AAGAB: variants seen among roughly 807,000 people sequenced by gnomAD.
AAGAB encodes the protein alpha and gamma adaptin binding protein.
AAGAB carries 38 observed loss-of-function variants against 44.1 expected under a neutral mutation model. The observed-to-expected ratio is 0.86, with a 90% CI of 0.67 to 1.13. The LOEUF (loss-of-function observed/expected upper bound fraction) is 1.13, where lower values mean the gene tolerates loss of function less well. Among genes scored for constraint, AAGAB ranks in the 50% most tolerant of loss-of-function variants. AAGAB has a pLI of 0.00. For missense variants in AAGAB, 450 were observed against 373.8 expected (o/e 1.20, Z -1.68); for synonymous variants, 131 against 131.8 (o/e 0.99, Z 0.04).
rs1033581271 is a variant in AAGAB at position 67,202,264 on chromosome 15, T to C, written c.*557A>G. The C allele has an allele frequency of 6.5e-6, 1 of 152,958 alleles. No individual in the cohort carries two copies. The allele number at this position is 152,958 out of a possible 1,614,324, so 9.5% of individuals were successfully genotyped here. A position where few individuals can be genotyped will look rare whatever the true frequency, so the allele number is the denominator to read the frequency against. Reference sequence around the variant, plus strand: ...GCTCAGACACTATACTTCAAAAGAATGCCCAGAGGCATTTTCTTAGGTAGA... The same window carrying C: ...GCTCAGACACTATACTTCAAAAGAACGCCCAGAGGCATTTTCTTAGGTAGA... On this transcript the variant is annotated 3_prime_UTR_variant, in exon 10 of 10. Transcript: ENST00000261880.
chr15:67,253,782 G>T (rs999157832), intron 1 of AAGAB, among the ~76,000 whole-genome samples: 1 of 151,646 alleles, frequency 6.6e-6, no homozygotes, highest in African/African-American at 2.4e-5. Flanking sequence ...AAAGAAGGAA[G>T]GAATGTAGGT....
chr15:67,201,289 G>GA lies in AAGAB; in HGVS notation c.*1531dup, dbSNP rs71287016. The GA allele has an allele frequency of 0.29, 30,518 of 105,146 alleles. 3,721 individuals carry two copies. The highest frequency in any genetic ancestry group is 0.5 in the East Asian group (2,153 of 4,318). The allele number at this position is 105,146 out of a possible 1,614,324, so 6.5% of individuals were successfully genotyped here. ...CTCAAAGTCTTTCAGAACAGTAAAAGAAAAAAAAAAAAAAAGGAACAAAAG... is the reference window on the plus strand; with the variant it reads ...CTCAAAGTCTTTCAGAACAGTAAAAGAAAAAAAAAAAAAAAAGGAACAAAAG... On this transcript the variant is annotated 3_prime_UTR_variant, in exon 10 of 10. Transcript: ENST00000261880.
rs879768611 is a variant in AAGAB at position 67,254,582 on chromosome 15, A to G, written c.50T>C (p.Phe17Ser). 7 of 1,609,982 alleles carry G rather than the reference A, an allele frequency of 4.3e-6. No individual in the cohort carries two copies. In the Admixed American group the frequency reaches 1.0e-4, roughly 23 times the overall value. ...ACGTTGGACCAGCTGGTCTCCTGAG[A>G]AGACGGAGGAGCAGCTGGTGACTAA... Reference protein sequence around the residue: ...CALVTSCSSVFSGDQLVQHIL... With the variant: ...CALVTSCSSVSSGDQLVQHIL... Residue 17 changes from phenylalanine to serine, a missense_variant, in exon 1 of 10, where the codon TTC (phenylalanine) becomes TCC (serine). Transcript: ENST00000261880.
At chr15:67,249,330 T>C (rs192508812) in intron 1 of AAGAB, among the ~76,000 whole-genome samples, 269 of 152,254 alleles carry the variant, frequency 1.8e-3, no homozygotes, top group African/African-American at 6.1e-3. Context: ...CCACCATGCC[T>C]GGCCAATAAC....
At chr15:67,247,247 A>G (rs1964749362) in intron 1 of AAGAB, among the ~76,000 whole-genome samples, 2 of 152,224 alleles carry the variant, frequency 1.3e-5, no homozygotes, top group East Asian at 1.9e-4. Flanking sequence ...CTTGAAGTCA[A>G]TGAGACCAAG....
At chr15:67,244,026 C>T (rs1411077940) in intron 1 of AAGAB, among the ~76,000 whole-genome samples, 1 of 151,916 alleles carries the variant, frequency 6.6e-6, no homozygotes, top group Non-Finnish European at 1.5e-5. Flanking sequence ...TTTTCATAAA[C>T]AAATTAGCAT....
chr15:67,238,365 T>A (rs1452550306), intron 1 of AAGAB, among the ~76,000 whole-genome samples: 5 of 152,186 alleles, frequency 3.3e-5, no homozygotes, highest in African/African-American at 1.2e-4. Flanking sequence ...AGCTGCTATG[T>A]CCCTTATGGA....
chr15:67,216,921 C>T (rs1963965078), intron 5 of AAGAB, among the ~76,000 whole-genome samples: 1 of 152,126 alleles, frequency 6.6e-6, no homozygotes, highest in South Asian at 2.1e-4. Context: ...GATTCATTTG[C>T]TTACAGTTAA....
chr15:67,203,466 A>T, intron 9 of AAGAB, 82 bp downstream of exon 9: 1 of 1,203,002 alleles, frequency 8.3e-7, no homozygotes, highest in Non-Finnish European at 1.2e-6. Flanking sequence ...CCCTTCAGAA[A>T]TACACAAGTG....
At position 67,254,619 on chromosome 15, in the gene AAGAB, C is replaced by A. The variant is rs778665736; in HGVS notation, c.13G>T (p.Val5Leu). The A allele has an allele frequency of 2.5e-6, 4 of 1,603,654 alleles. No homozygotes were observed. The highest frequency in any genetic ancestry group is 3.4e-6 in the Non-Finnish European group (4 of 1,177,206). Residue 5 changes from valine to leucine, a missense_variant, in exon 1 of 10, where the codon GTA (valine) becomes TTA (leucine). Transcript: ENST00000261880. MAAGVPCALVTSCSS... is the reference protein window; with the variant it reads MAAGLPCALVTSCSS... ...CAGCTGGTGACTAACGCACAGGGTA[C>A]GCCAGCAGCCATAGCTGCGCTCGCG... is the stretch of plus-strand genomic sequence containing the variant.
Position 67,206,585 on chromosome 15 carries a change from G to T in AAGAB, c.715+1977C>A, listed in dbSNP as rs187846109. Among the ~76,000 whole-genome samples, 8 of 152,086 alleles carry T rather than the reference G, an allele frequency of 5.3e-5. No homozygotes were observed. The South Asian group carries it at 1.0e-3, about 20-fold the overall frequency. On this transcript the variant is annotated intron_variant, in intron 7 of 9. Transcript: ENST00000261880. ...AGATGCTGTCCTTTCTTTCTCATTT[G>T]TTTATTCAATTATTTATTTATATTA...
intron 7 of AAGAB, among the ~76,000 whole-genome samples, chr15:67,204,955 A>G (rs1481236750): frequency 6.6e-6 from 1 of 152,238 alleles, no homozygotes; most frequent in East Asian, 1.9e-4. Flanking sequence ...CACTACTTTA[A>G]TAAGTACTAC....
At chr15:67,228,322 T>G (rs1428317671) in intron 5 of AAGAB, among the ~76,000 whole-genome samples, 1 of 152,252 alleles carries the variant, frequency 6.6e-6, no homozygotes, top group East Asian at 1.9e-4. Flanking sequence ...CTTATTTTTA[T>G]AGCCTTCCTA....
At chr15:67,234,030 C>G (rs567644867) in intron 4 of AAGAB, among the ~76,000 whole-genome samples, 45 of 149,062 alleles carry the variant, frequency 3.0e-4, no homozygotes, top group Non-Finnish European at 5.6e-4. Flanking sequence ...ATCACGAGGT[C>G]AGGAGATTGA....
rs369542537 is a variant in AAGAB at position 67,254,628 on chromosome 15, C to G, written c.4G>C (p.Ala2Pro). Residue 2 changes from alanine (A) to proline (P), a missense_variant, in exon 1 of 10, where the codon GCT (alanine) becomes CCT (proline). By Grantham distance (27) the Ala-to-Pro change is conservative. Coordinates refer to ENST00000261880, the MANE Select transcript of AAGAB (RefSeq NM_024666.5). The part of the protein sequence containing the change: M[A>P]AGVPCALVTS... ...ACTAACGCACAGGGTACGCCAGCAG[C>G]CATAGCTGCGCTCGCGAGCCGGTTC... 8 of 1,599,406 alleles carry G rather than the reference C, an allele frequency of 5.0e-6. No individual in the cohort carries two copies. The African/African-American group carries it at 9.4e-5, about 19-fold the overall frequency.
intron 5 of AAGAB, among the ~76,000 whole-genome samples, chr15:67,217,020 A>G (rs1343420093): frequency 6.6e-6 from 1 of 151,950 alleles, no homozygotes; most frequent in Non-Finnish European, 1.5e-5. Flanking sequence ...TTTCTCTTAC[A>G]AGACAATCTC....
chr15:67,221,082 T>C (rs1433904493), intron 5 of AAGAB: 1 of 152,234 alleles, frequency 6.6e-6, no homozygotes, highest in Non-Finnish European at 1.5e-5. Context: ...AGCTCTGGTT[T>C]GTCCACACTT....
At chr15:67,207,329 T>C (rs1477644973) in intron 7 of AAGAB, among the ~76,000 whole-genome samples, 3 of 152,208 alleles carry the variant, frequency 2.0e-5, no homozygotes, top group African/African-American at 7.2e-5. Flanking sequence ...TATATGTGTG[T>C]ATACTAATAC....
chr15:67,236,779 TG>T lies in AAGAB; in HGVS notation c.114del (p.Asn39MetfsTer4), dbSNP rs1964480138. On this transcript the variant is annotated frameshift_variant, in exon 2 of 10. Coordinates refer to ENST00000261880, the MANE Select transcript of AAGAB (RefSeq NM_024666.5). LOFTEE classifies it high-confidence loss of function. ...GTEDLIVEVTSNDAVRFYPWT... is the reference protein window; with the variant it reads ...GTEDLIVEVTXNDAVRFYPWT... Reference sequence around the variant, plus strand: ...CAGGGATAAAATCTCACAGCATCATTGGAAGTCACTTCCACAATAAGATCTT... The same window carrying T: ...CAGGGATAAAATCTCACAGCATCATTGAAGTCACTTCCACAATAAGATCTT... 1 of 1,611,890 alleles carries T rather than the reference TG, an allele frequency of 6.2e-7. No individual in the cohort carries two copies. Among genetic ancestry groups the T allele is most frequent in the Non-Finnish European group, 8.5e-7 (1 of 1,179,254 alleles).
Sources: allele counts gnomAD v4.1 joint callset (sites outside exome capture counted in the v4.1 genomes callset), GRCh38; gene constraint gnomAD v4.1.1; transcripts MANE v1.5; gene names NCBI Gene and HGNC (gene_info 2026-07-23, HGNC 2026-07-21).